Variants in FAM98B observed in about 807,000 individuals in gnomAD.
FAM98B encodes the protein tRNA splicing ligase complex subunit 3B.
FAM98B carries 32 observed loss-of-function variants against 43.9 expected under a neutral mutation model. The observed-to-expected ratio is 0.73, with a 90% confidence interval of 0.55 to 0.98. The LOEUF is 0.98. Among genes scored for constraint, FAM98B ranks in the 50% least tolerant of loss-of-function variants. The probability of loss-of-function intolerance (pLI) is 0.00; values close to 1 mark genes in which losing one functional copy is unlikely to be tolerated. For synonymous variants in FAM98B, 190 were observed against 174.0 expected, an observed-to-expected ratio of 1.09 and a Z score of -0.72; for missense variants, 514 against 522.9, an observed-to-expected ratio of 0.98 and a Z score of 0.17.
intron 6 of FAM98B, among the ~76,000 whole-genome samples, chr15:38,479,209 G>C (rs12437867): frequency 0.63 from 95,639 of 152,044 alleles, 30,234 homozygotes; most frequent in South Asian, 0.77. Context: ...CTCAAGTAAT[G>C]CTCCCACTTC....
chr15:38,459,146 T>C (rs1889904290), intron 1 of FAM98B: 1 of 348,522 alleles, frequency 2.9e-6, no homozygotes, highest in Non-Finnish European at 5.7e-6. Context: ...AGAAACCTGC[T>C]TGAGTGGTCT....
chr15:38,474,325 T>C (rs780343072), intron 6 of FAM98B, 27 bp downstream of exon 6: 29 of 1,509,862 alleles, frequency 1.9e-5, no homozygotes, highest in Non-Finnish European at 2.7e-5. Flanking sequence ...ATATGTGTCC[T>C]GTAGGTGGTA....
At chr15:38,458,959 C>A (rs957844232) in intron 1 of FAM98B, 1 of 400,486 alleles carries the variant, frequency 2.5e-6, no homozygotes, top group East Asian at 6.6e-5. Context: ...GGCTGAGGTT[C>A]CTGACTTAGC....
chr15:38,484,704 A>G lies in FAM98B; in HGVS notation c.*45A>G, dbSNP rs751223300. On this transcript the variant is annotated 3_prime_UTR_variant, in exon 8 of 8. Transcript: ENST00000397609. ...GCAGTGCTTGCTTCTTTATAGATAC[A>G]TTAGAAATAGTGTTCCAAATAACAT... 1.2e-5 allele frequency: 18 copies of G among 1,491,790 alleles called. No individual in the cohort carries two copies. Among genetic ancestry groups the G allele is most frequent in the Non-Finnish European group, 1.4e-5 (16 of 1,130,120 alleles). The allele number at this position is 1,491,790 out of a possible 1,614,324, so 92.4% of individuals were successfully genotyped here. A position where few individuals can be genotyped will look rare whatever the true frequency, so the allele number is the denominator to read the frequency against.
In FAM98B at chr15:38,486,298, A is replaced by C. The variant is rs1300891148; in HGVS notation, c.*1639A>C. On this transcript the variant is annotated 3_prime_UTR_variant, in exon 8 of 8. Coordinates refer to ENST00000397609, the MANE Select transcript of FAM98B (RefSeq NM_173611.4). ...GAAAAAAAGGCTTTCCATAATTAAG[A>C]AAATACCTTTATCAGTAGCTATGAA... 6.6e-6 allele frequency: 1 copy of C among 152,162 alleles called. No individual in the cohort carries two copies. Among genetic ancestry groups the C allele is most frequent in the Non-Finnish European group, 1.5e-5 (1 of 68,002 alleles). The allele number at this position is 152,162 out of a possible 1,614,324, so 9.4% of individuals were successfully genotyped here.
rs758453275 is a variant in FAM98B at position 38,454,251 on chromosome 15, G to A, written c.71+19G>A. The stretch of plus-strand genomic sequence containing the variant: ...CGCTGGGGTGAGTGCTTTTGGAGAC[G>A]CCTTTTCCCTGAAAACGCAACCTCT... On this transcript the variant is annotated intron_variant, in intron 1 of 7. Transcript: ENST00000397609. 3 of 1,592,168 alleles carry A rather than the reference G, an allele frequency of 1.9e-6. No homozygotes were observed. Among genetic ancestry groups the A allele is most frequent in the South Asian group, 2.3e-5 (2 of 86,876 alleles).
At chr15:38,465,953 T>C (rs969825291) in intron 3 of FAM98B, among the ~76,000 whole-genome samples, 6 of 152,244 alleles carry the variant, frequency 3.9e-5, no homozygotes, top group South Asian at 4.1e-4. Flanking sequence ...TTACCATAAA[T>C]AGTAGGTCCA....
intron 3 of FAM98B, among the ~76,000 whole-genome samples, chr15:38,468,995 C>T (rs1396211258): frequency 6.6e-6 from 1 of 152,162 alleles, no homozygotes; most frequent in Non-Finnish European, 1.5e-5. Context: ...CAACCTTCGC[C>T]TCTGGGTTCA....
chr15:38,468,056 G>C (rs138699453), intron 3 of FAM98B, among the ~76,000 whole-genome samples: 1 of 152,276 alleles, frequency 6.6e-6, no homozygotes, highest in African/African-American at 2.4e-5. Context: ...GCAAAAGGAA[G>C]AAGGCTTAAT....
In FAM98B at chr15:38,476,280, T is replaced by C. The variant is rs543968453; in HGVS notation, c.729+1982T>C. Among the ~76,000 whole-genome samples, 10 of 152,306 alleles carry C rather than the reference T, an allele frequency of 6.6e-5. No individual in the cohort carries two copies. In the East Asian group the frequency reaches 1.7e-3, roughly 26 times the overall value. On this transcript the variant is annotated intron_variant, in intron 6 of 7. Coordinates refer to ENST00000397609, the MANE Select transcript of FAM98B (RefSeq NM_173611.4). ...CTCTGTGTTTTTGTGTGACCTGTTATGTTTCTCTGTAAGCTTTTGGGCTCT... is the reference window on the plus strand; with the variant it reads ...CTCTGTGTTTTTGTGTGACCTGTTACGTTTCTCTGTAAGCTTTTGGGCTCT...
At chr15:38,463,341 A>G (rs905532634) in intron 1 of FAM98B, among the ~76,000 whole-genome samples, 1 of 151,850 alleles carries the variant, frequency 6.6e-6, no homozygotes, top group Non-Finnish European at 1.5e-5. Context: ...AAATACAAAC[A>G]TTAGCTGGGT....
rs746361458 is a variant in FAM98B at position 38,454,157 on chromosome 15, G to A, written c.-5G>A. The A allele has an allele frequency of 7.5e-6, 12 of 1,593,902 alleles. No homozygotes were observed. The highest frequency in any genetic ancestry group is 9.4e-6 in the Non-Finnish European group (11 of 1,171,904). On this transcript the variant is annotated 5_prime_UTR_variant, in exon 1 of 8. Coordinates refer to ENST00000397609, the MANE Select transcript of FAM98B (RefSeq NM_173611.4). Reference sequence around the variant, plus strand: ...GAGCGCCGAACAGCTCTGGGCCAAAGGACCATGAGAGGGCCGGAGCCGGGT... The same window carrying A: ...GAGCGCCGAACAGCTCTGGGCCAAAAGACCATGAGAGGGCCGGAGCCGGGT...
chr15:38,464,147 T>C lies in FAM98B; in HGVS notation c.187T>C (p.Cys63Arg), dbSNP rs202088105. 4.0e-5 allele frequency: 64 copies of C among 1,613,274 alleles called. No individual in the cohort carries two copies. The highest frequency in any genetic ancestry group is 5.1e-5 in the Non-Finnish European group (60 of 1,179,624). Reference sequence around the variant, plus strand: ...GTTAGGCTCTCAAATAAAATCATTATGCAACTTGGAAGAAAGTATCACGTC... The same window carrying C: ...GTTAGGCTCTCAAATAAAATCATTACGCAACTTGGAAGAAAGTATCACGTC... Reference protein sequence around the residue: ...IWLGSQIKSLCNLEESITSAG... With the variant: ...IWLGSQIKSLRNLEESITSAG... Residue 63 changes from cysteine to arginine, a missense_variant, in exon 2 of 8, where the codon TGC becomes CGC. By Grantham distance (180) the Cys-to-Arg change is radical. This residue lies in a region of FAM98B where 469 missense variants were observed against 451.8 expected (regional missense o/e 1.04). Coordinates refer to ENST00000397609, the MANE Select transcript of FAM98B (RefSeq NM_173611.4).
chr15:38,456,147 A>T (rs534123775), intron 1 of FAM98B, among the ~76,000 whole-genome samples: 1 of 152,340 alleles, frequency 6.6e-6, no homozygotes, highest in South Asian at 2.1e-4. Context: ...GTGAAAGGAC[A>T]ATTTAGTGAT....
chr15:38,465,483 T>C, intron 3 of FAM98B, 80 bp downstream of exon 3: 1 of 1,312,680 alleles, frequency 7.6e-7, no homozygotes, highest in Non-Finnish European at 1.0e-6. Flanking sequence ...TAATGAAGCA[T>C]TAGACATTTT....
At chr15:38,473,732 C>A in intron 5 of FAM98B, 147 bp downstream of exon 5, 2 of 621,958 alleles carry the variant, frequency 3.2e-6, no homozygotes, top group East Asian at 3.0e-5. Context: ...AGTAATATGT[C>A]CTAACATTTC....
chr15:38,455,650 C>G (rs1889837286), intron 1 of FAM98B, among the ~76,000 whole-genome samples: 1 of 152,164 alleles, frequency 6.6e-6, no homozygotes, highest in South Asian at 2.1e-4. Context: ...ACTGAAAATA[C>G]TTAGTAGAAT....
At chr15:38,475,544 T>C (rs1890184755) in intron 6 of FAM98B, among the ~76,000 whole-genome samples, 1 of 152,194 alleles carries the variant, frequency 6.6e-6, no homozygotes, top group South Asian at 2.1e-4. Context: ...CTTCATCTCC[T>C]CTCTTCAGAG....
At position 38,461,416 on chromosome 15, in the gene FAM98B, A is replaced by G. The variant is rs964337782; in HGVS notation, c.72-2616A>G. On this transcript the variant is annotated intron_variant, in intron 1 of 7. Coordinates refer to ENST00000397609, the MANE Select transcript of FAM98B (RefSeq NM_173611.4). The stretch of plus-strand genomic sequence containing the variant: ...TCCTTATAGTTGTAGACAGAGGTCT[A>G]ACAAGACCTATGTTAATGATGGAGC... 1.8e-4 allele frequency among the ~76,000 whole-genome samples: 27 copies of G among 152,312 alleles called. 1 individual carries two copies. The highest frequency in any genetic ancestry group is 5.5e-4 in the African/African-American group (23 of 41,574).
Sources: gnomAD v4.1 joint callset for allele counts (sites outside exome capture counted in the v4.1 genomes callset) on GRCh38, gnomAD v4.1.1 for gene constraint, gnomAD v4.1.1 regional missense constraint, MANE v1.5 for transcripts, NCBI Gene and HGNC (gene_info 2026-07-23, HGNC 2026-07-21) for gene names.